The following CHMP2B variants were observed in gnomAD, a reference collection of about 807,000 sequenced individuals.
CHMP2B encodes charged multivesicular body protein 2B.
Under a neutral mutation model 29.8 loss-of-function variants are expected in CHMP2B, and 22 were observed. The observed-to-expected ratio is 0.74, with a 90% CI of 0.53 to 1.05. The LOEUF is 1.05. Among genes scored for constraint, CHMP2B ranks in the 50% least tolerant of loss-of-function variants. CHMP2B has a pLI of 0.00. For synonymous variants in CHMP2B, 78 were observed against 75.8 expected (o/e 1.03, Z -0.15); for missense variants, 261 against 252.2 (o/e 1.03, Z -0.24).
chr3:87,241,899 A>C (rs1706125396), intron 2 of CHMP2B, among the ~76,000 whole-genome samples: 1 of 152,174 alleles, frequency 6.6e-6, no homozygotes, highest in African/African-American at 2.4e-5. Flanking sequence ...AAAAATTTGC[A>C]GAGTGCCTGT....
intron 1 of CHMP2B, 138 bp downstream of exon 1, chr3:87,227,694 C>T (rs1443785978): frequency 1.1e-5 from 12 of 1,084,402 alleles, no homozygotes; most frequent in Admixed American, 1.7e-5. Flanking sequence ...GCCCTCGCGG[C>T]ACCACTTCTC....
chr3:87,250,785 G>A (rs548407548), intron 4 of CHMP2B, among the ~76,000 whole-genome samples: 1 of 151,772 alleles, frequency 6.6e-6, no homozygotes, highest in South Asian at 2.1e-4. Context: ...TATTATCTTT[G>A]ACTGAATTTC....
intron 5 of CHMP2B, 25 bp from the exon 6 acceptor site, chr3:87,253,687 T>G: frequency 6.3e-7 from 1 of 1,588,846 alleles, no homozygotes; most frequent in Non-Finnish European, 8.6e-7. Context: ...TAATGCACGT[T>G]TGTCTTTTTC....
intron 4 of CHMP2B, among the ~76,000 whole-genome samples, chr3:87,251,810 C>G (rs1035200820): frequency 1.3e-5 from 2 of 151,798 alleles, no homozygotes; most frequent in South Asian, 2.1e-4. Flanking sequence ...AGTCTGATTA[C>G]ACCTTTCTAA....
chr3:87,240,500 G>A (rs1706096830), intron 1 of CHMP2B, 199 bp from the exon 2 acceptor site: 2 of 456,868 alleles, frequency 4.4e-6, no homozygotes, highest in African/African-American at 4.0e-5. Flanking sequence ...AGTAGAGATG[G>A]GGTTTCTCCA....
At chr3:87,231,233 C>T (rs376339335) in intron 1 of CHMP2B, among the ~76,000 whole-genome samples, 1 of 152,096 alleles carries the variant, frequency 6.6e-6, no homozygotes, top group Non-Finnish European at 1.5e-5. Flanking sequence ...CTCACAGTAC[C>T]TCAAACTCAA....
At chr3:87,242,049 A>G (rs1180059787) in intron 2 of CHMP2B, among the ~76,000 whole-genome samples, 2 of 152,136 alleles carry the variant, frequency 1.3e-5, no homozygotes, top group African/African-American at 4.8e-5. Context: ...ATCACTAATG[A>G]TGTTGAACAT....
At position 87,245,819 on chromosome 3, in the gene CHMP2B, G is replaced by C; in HGVS notation, c.232G>C (p.Val78Leu). Residue 78 changes from valine to leucine, a missense_variant, in exon 3 of 6, where the codon GTA becomes CTA. Coordinates refer to ENST00000263780, the MANE Select transcript of CHMP2B (RefSeq NM_014043.4). ...GAAACAGAAGACGAGAACTTTTGCT[G>C]TAAGTTCAAAAGTTACTTCTATGTC... is the stretch of plus-strand genomic sequence containing the variant. ...LRKQKTRTFA[V>L]SSKVTSMSTQ... is the part of the protein sequence containing the mutation. The C allele has an allele frequency of 1.2e-6, 2 of 1,613,670 alleles. No individual in the cohort carries two copies. Among genetic ancestry groups the C allele is most frequent in the Non-Finnish European group, 8.5e-7 (1 of 1,179,758 alleles).
intron 4 of CHMP2B, among the ~76,000 whole-genome samples, chr3:87,251,753 C>T (rs888371189): frequency 5.9e-5 from 9 of 151,862 alleles, no homozygotes; most frequent in African/African-American, 2.2e-4. Flanking sequence ...TATACTATAC[C>T]TCTGATGAGC....
intron 3 of CHMP2B, among the ~76,000 whole-genome samples, chr3:87,249,223 A>G (rs1706269863): frequency 6.6e-6 from 1 of 152,168 alleles, no homozygotes; most frequent in Non-Finnish European, 1.5e-5. Context: ...AAAATGCAGT[A>G]TTATAATCTT....
chr3:87,238,425 T>C (rs7653646), intron 1 of CHMP2B, among the ~76,000 whole-genome samples: 144,702 of 152,154 alleles, frequency 0.95, 69,250 homozygotes, highest in East Asian at 1. Flanking sequence ...TTCATCACCT[T>C]AGAATAAAAT....
In CHMP2B at chr3:87,241,806, T is replaced by C. The variant is rs191687469; in HGVS notation, c.126+1016T>C. Among the ~76,000 whole-genome samples, 285 of 152,294 alleles carry C rather than the reference T, an allele frequency of 1.9e-3. 2 individuals carry two copies. Among genetic ancestry groups the C allele is most frequent in the Admixed American group, 3.8e-3 (58 of 15,302 alleles). ...TTTGTGAACATGGTTTTCATTTTTC[T>C]TGGGTATATTCCTGAGAGTGAGATT... is the stretch of plus-strand genomic sequence containing the variant. On this transcript the variant is annotated intron_variant, in intron 2 of 5. Transcript: ENST00000263780.
chr3:87,244,358 T>C (rs1706175443), intron 2 of CHMP2B, among the ~76,000 whole-genome samples: 1 of 151,870 alleles, frequency 6.6e-6, no homozygotes, highest in Non-Finnish European at 1.5e-5. Context: ...AGTTTATATA[T>C]ATATATTTTT....
chr3:87,232,551 C>T (rs1705928129), intron 1 of CHMP2B, among the ~76,000 whole-genome samples: 1 of 152,154 alleles, frequency 6.6e-6, no homozygotes, highest in African/African-American at 2.4e-5. Flanking sequence ...ACACAGTATA[C>T]TCTTCTGAGC....
At chr3:87,247,369 C>A in intron 3 of CHMP2B, among the ~76,000 whole-genome samples, 1 of 152,202 alleles carries the variant, frequency 6.6e-6, no homozygotes, top group East Asian at 1.9e-4. Context: ...CCATAAAGCA[C>A]ATCATGTCCT....
At chr3:87,242,676 G>A (rs974344340) in intron 2 of CHMP2B, among the ~76,000 whole-genome samples, 1 of 152,032 alleles carries the variant, frequency 6.6e-6, no homozygotes, top group Non-Finnish European at 1.5e-5. Context: ...TTCACTTTTT[G>A]CATATGGAAA....
At chr3:87,237,659 CTA>C (rs1476333192) in intron 1 of CHMP2B, among the ~76,000 whole-genome samples, 1 of 152,108 alleles carries the variant, frequency 6.6e-6, no homozygotes, top group Non-Finnish European at 1.5e-5. Flanking sequence ...GGTCAATAAT[CTA>C]TGATAGGTTC....
chr3:87,238,634 C>A (rs1706059018), intron 1 of CHMP2B, among the ~76,000 whole-genome samples: 1 of 152,138 alleles, frequency 6.6e-6, no homozygotes, highest in African/African-American at 2.4e-5. Flanking sequence ...ATCAGTACTT[C>A]ATTTCTTTTG....
intron 4 of CHMP2B, chr3:87,253,127 A>G (rs1157255261): frequency 5.8e-6 from 2 of 343,562 alleles, no homozygotes; most frequent in East Asian, 1.3e-4. Flanking sequence ...AGCTGTGACT[A>G]TCACATTTTT....
Sources: allele counts gnomAD v4.1 joint callset (sites outside exome capture counted in the v4.1 genomes callset), GRCh38; gene constraint gnomAD v4.1.1; transcripts MANE v1.5; gene names NCBI Gene and HGNC (gene_info 2026-07-23, HGNC 2026-07-21).